SOHLH1: variants seen among roughly 807,000 people sequenced by gnomAD.
The protein encoded by SOHLH1 is spermatogenesis and oogenesis specific basic helix-loop-helix 1.
In SOHLH1, 23 loss-of-function variants were observed where a neutral mutation model predicts 36.2. The ratio of observed to expected loss-of-function variants is 0.64; its 90% CI spans 0.46 to 0.90. The LOEUF is 0.90. Among genes scored for constraint, SOHLH1 ranks in the 40% least tolerant of loss-of-function variants. The pLI, the probability that SOHLH1 is intolerant of heterozygous loss-of-function variation, is 0.00. For synonymous variants in SOHLH1, 289 were observed against 228.3 expected, an observed-to-expected ratio of 1.27 and a Z score of -2.40; for missense variants, 608 against 517.0, an observed-to-expected ratio of 1.18 and a Z score of -1.71.
At chr9:135,700,026 C>T (rs1274113541), upstream of SOHLH1, among the ~76,000 whole-genome samples, 2 of 152,184 alleles carry the variant, frequency 1.3e-5, no homozygotes, top group Non-Finnish European at 2.9e-5. Flanking sequence ...GGTAGGGTCA[C>T]CATCCACACT....
Position 135,697,639 on chromosome 9 carries a change from G to A in SOHLH1, c.346-12C>T, listed in dbSNP as rs1319873372. The stretch of plus-strand genomic sequence containing the variant: ...GAGGAAGCAAGAATCTGAAATTTAA[G>A]TAAACATGTAAAACAAAGACAGAGA... On this transcript the variant is annotated splice_polypyrimidine_tract_variant and intron_variant, in intron 3 of 7. Transcript: ENST00000425225. The A allele has an allele frequency of 6.2e-7, 1 of 1,608,742 alleles. No individual in the cohort carries two copies. Among genetic ancestry groups the A allele is most frequent in the Admixed American group, 1.7e-5 (1 of 59,922 alleles).
Position 135,698,348 on chromosome 9 carries a change from G to A in SOHLH1, c.326C>T (p.Pro109Leu), listed in dbSNP as rs754318328. ...QFLRLASALGPSQEQHAILAS... is the reference protein window; with the variant it reads ...QFLRLASALGLSQEQHAILAS... ...ACTCACAGCGTGCTGCTCCTGACTG[G>A]GCCCCAGGGCGCTGGCAAGCCGCAG... The change falls in exon 3 of 8, where the codon CCC becomes CTC. Residue 109 changes from proline (P) to leucine (L), a missense_variant. Transcript: ENST00000425225. 5 of 1,612,962 alleles carry A rather than the reference G, an allele frequency of 3.1e-6. No individual in the cohort carries two copies. In the Admixed American group the frequency reaches 8.3e-5, roughly 27 times the overall value.
chr9:135,693,786 G>C lies in SOHLH1; in HGVS notation c.975C>G (p.Gly325=). 4 of 1,579,744 alleles carry C rather than the reference G, an allele frequency of 2.5e-6. No homozygotes were observed. The highest frequency in any genetic ancestry group is 2.6e-6 in the Non-Finnish European group (3 of 1,163,192). Residue 325 remains glycine (G), a synonymous_variant, in exon 8 of 8, where the codon GGC becomes GGG. Transcript: ENST00000425225. ...TGCTCTCAGCTGGGGCCCATGCAGG[G>C]CCACTGCCTCCTCGACCCTCCAGAG... is the stretch of plus-strand genomic sequence containing the variant. ...PGSLEGRGGS[G]PAWAPAESSP...
In SOHLH1 at chr9:135,699,037, C is replaced by T. The variant is rs1347857911; in HGVS notation, c.155G>A (p.Ser52Asn). ...GATCACGTTCCGCCGAAGGCAGGAG[C>T]TGGGACCCTCGGCCACCGTAGGGGC... ...PKAPTVAEGP[S>N]SCLRRNVISE... is the part of the protein sequence containing the mutation. The change falls in exon 2 of 8, where the codon AGC becomes AAC. Residue 52 changes from serine to asparagine, a missense_variant. Ser to Asn is a conservative substitution (Grantham distance 46). Coordinates refer to ENST00000425225, the MANE Select transcript of SOHLH1 (RefSeq NM_001101677.2). 1.9e-6 allele frequency: 3 copies of T among 1,611,464 alleles called. No individual in the cohort carries two copies. The Admixed American group carries it at 5.0e-5, about 27-fold the overall frequency.
Position 135,693,662 on chromosome 9 carries a change from C to T in SOHLH1, c.1099G>A (p.Asp367Asn). The change falls in exon 8 of 8, where the codon GAC becomes AAC. Residue 367 changes from aspartate to asparagine, a missense_variant. Coordinates refer to ENST00000425225, the MANE Select transcript of SOHLH1 (RefSeq NM_001101677.2). The part of the protein sequence containing the change: ...SPLEPWGLDV[D>N]CAGLALKDEV... ...TCCTTCAGGGCCAGGCCTGCACAGTCCACATCCAGGCCCCACGGCTCCAGA... is the reference window on the plus strand; with the variant it reads ...TCCTTCAGGGCCAGGCCTGCACAGTTCACATCCAGGCCCCACGGCTCCAGA... The T allele has an allele frequency of 1.3e-6, 2 of 1,587,876 alleles. No homozygotes were observed. Among genetic ancestry groups the T allele is most frequent in the East Asian group, 2.3e-5 (1 of 43,184 alleles).
chr9:135,700,736 C>T (rs1835002105), upstream of SOHLH1, among the ~76,000 whole-genome samples: 1 of 152,162 alleles, frequency 6.6e-6, no homozygotes, highest in African/African-American at 2.4e-5. Context: ...TCCATCCCTG[C>T]TCCGCCCAGC....
chr9:135,697,583 ATCCTCCTGCAAC>A lies in SOHLH1; in HGVS notation c.378_389del (p.Leu127_Asp130del). On this transcript the variant is annotated inframe_deletion, in exon 4 of 8. Coordinates refer to ENST00000425225, the MANE Select transcript of SOHLH1 (RefSeq NM_001101677.2). The stretch of plus-strand genomic sequence containing the variant: ...GACTCGACAACGTCAACTGTAAAAC[ATCCTCCTGCAAC>A]GAGTGCCACATTTCCTTGGAGGAAG... 26 of 1,612,658 alleles carry A rather than the reference ATCCTCCTGCAAC, an allele frequency of 1.6e-5. No homozygotes were observed. The highest frequency in any genetic ancestry group is 1.9e-5 in the Non-Finnish European group (23 of 1,179,716).
rs1214124470 is a variant in SOHLH1, at chr9:135,694,540, C to T, written c.876-83G>A. 3 of 1,557,362 alleles carry T rather than the reference C, an allele frequency of 1.9e-6. No individual in the cohort carries two copies. In the Admixed American group the frequency reaches 5.6e-5, roughly 29 times the overall value. On this transcript the variant is annotated intron_variant, in intron 6 of 7. Coordinates refer to ENST00000425225, the MANE Select transcript of SOHLH1 (RefSeq NM_001101677.2). ...AGGAAACATTTGGGCCCAAGTCCTG[C>T]AAAGGCAGCTTCGAATGCAAAGATC... is the stretch of plus-strand genomic sequence containing the variant.
rs921895852 is a variant in SOHLH1, at chr9:135,693,652, C to T, written c.1109G>A (p.Gly370Asp). ...EPWGLDVDCA[G>D]LALKDEVESI... ...CTCCACCTCGTCCTTCAGGGCCAGGCCTGCACAGTCCACATCCAGGCCCCA... is the reference window on the plus strand; with the variant it reads ...CTCCACCTCGTCCTTCAGGGCCAGGTCTGCACAGTCCACATCCAGGCCCCA... Residue 370 changes from glycine to aspartate, a missense_variant, in exon 8 of 8, where the codon GGC (glycine) becomes GAC (aspartate). Transcript: ENST00000425225. 5 of 1,587,706 alleles carry T rather than the reference C, an allele frequency of 3.1e-6. No individual in the cohort carries two copies. The South Asian group carries it at 3.5e-5, about 11-fold the overall frequency.
chr9:135,697,565 C>G lies in SOHLH1; in HGVS notation c.408G>C (p.Leu136Phe). The G allele has an allele frequency of 6.2e-7, 1 of 1,612,778 alleles. No homozygotes were observed. The highest frequency in any genetic ancestry group is 8.5e-7 in the Non-Finnish European group (1 of 1,179,802). ...GCACACCTGCTTGAATCTGACTCGACAACGTCAACTGTAAAACATCCTCCT... is the reference window on the plus strand; with the variant it reads ...GCACACCTGCTTGAATCTGACTCGAGAACGTCAACTGTAAAACATCCTCCT... ...SLQEDVLQLT[L>F]SSQIQAGVPD... Residue 136 changes from leucine (L) to phenylalanine (F), a missense_variant, in exon 4 of 8, where the codon TTG (leucine) becomes TTC (phenylalanine). Physicochemically the swap from Leu to Phe is conservative, Grantham distance 22. Transcript: ENST00000425225.
At chr9:135,694,271 G>A (rs1344631267) in intron 7 of SOHLH1, 116 bp downstream of exon 7, 1 of 1,561,542 alleles carries the variant, frequency 6.4e-7, no homozygotes, top group Non-Finnish European at 8.6e-7. Flanking sequence ...AGAAAACGGG[G>A]GCTCAGACAC....
intron 5 of SOHLH1, 70 bp downstream of exon 5, chr9:135,696,542 T>C: frequency 1.9e-6 from 3 of 1,564,672 alleles, no homozygotes; most frequent in Non-Finnish European, 1.7e-6. Context: ...CCCATTGTTC[T>C]TAGGGCTAAA....
chr9:135,693,425 A>C lies in SOHLH1; in HGVS notation c.*172T>G. The stretch of plus-strand genomic sequence containing the variant: ...ACACAGGTTTTGCTTCCTCCAGGAA[A>C]ACTGCTTTCCCTCTTTAATATTCAC... On this transcript the variant is annotated 3_prime_UTR_variant, in exon 8 of 8. Transcript: ENST00000425225. 1.0e-6 allele frequency: 1 copy of C among 965,138 alleles called. No homozygotes were observed. The highest frequency in any genetic ancestry group is 1.6e-5 in the African/African-American group (1 of 60,962). The allele number at this position is 965,138 out of a possible 1,614,324, so 59.8% of individuals were successfully genotyped here. A position where few individuals can be genotyped will look rare whatever the true frequency, so the allele number is the denominator to read the frequency against.
intron 7 of SOHLH1, 192 bp downstream of exon 7, chr9:135,694,187 TTCACTCAC>T (rs1834699365): frequency 6.9e-7 from 1 of 1,439,232 alleles, no homozygotes; most frequent in African/African-American, 1.4e-5. Context: ...CCACATCACG[TTCACTCAC>T]ACACTCACAT....
upstream of SOHLH1, among the ~76,000 whole-genome samples, chr9:135,701,524 GC>G (rs935576206): frequency 2.6e-5 from 4 of 152,248 alleles, no homozygotes; most frequent in African/African-American, 9.6e-5. Context: ...GGGAAAGGGG[GC>G]CCGCAGGGGG....
chr9:135,699,660 T>C (rs1834966814), upstream of SOHLH1: 4 of 654,326 alleles, frequency 6.1e-6, no homozygotes, highest in African/African-American at 3.6e-5. Flanking sequence ...TGACCCGCGT[T>C]CCTGCAAAGA....
chr9:135,699,576 C>A, upstream of SOHLH1: 3 of 1,209,804 alleles, frequency 2.5e-6, no homozygotes, highest in South Asian at 3.9e-5. Context: ...CTAGCCCACC[C>A]CACCCCCACT....
chr9:135,698,529 A>T, intron 2 of SOHLH1, 53 bp from the exon 3 acceptor site: 1 of 1,611,966 alleles, frequency 6.2e-7, no homozygotes, highest in Non-Finnish European at 8.5e-7. Flanking sequence ...CTCCCCGAGA[A>T]GGGACAGCAA....
intron 4 of SOHLH1, 86 bp from the exon 5 acceptor site, chr9:135,696,891 T>A: frequency 6.9e-7 from 1 of 1,452,070 alleles, no homozygotes; most frequent in Non-Finnish European, 9.4e-7. Context: ...AGCAGAGGGC[T>A]GGACCCATCC....
Sources: allele counts gnomAD v4.1 joint callset (sites outside exome capture counted in the v4.1 genomes callset), GRCh38; gene constraint gnomAD v4.1.1; transcripts MANE v1.5; gene names NCBI Gene and HGNC (gene_info 2026-07-23, HGNC 2026-07-21).